The following HDAC2 variants were observed in gnomAD, a reference collection of about 807,000 sequenced individuals.
The protein encoded by HDAC2 is YY1-associated factor 1.
A neutral mutation model predicts 68.5 loss-of-function variants in HDAC2; 5 were observed. That is an observed-to-expected ratio of 0.07 (90% CI 0.04 to 0.15). HDAC2 has a LOEUF of 0.15. HDAC2 is among the 10% of genes least tolerant of loss of function. The pLI is 1.00. For missense variants in HDAC2, 291 were observed against 600.8 expected (o/e 0.48, Z 5.39); for synonymous variants, 182 against 191.3 (o/e 0.95, Z 0.40).
chr6:113,950,082 C>G (rs931199183), intron 6 of HDAC2, among the ~76,000 whole-genome samples: 1 of 152,080 alleles, frequency 6.6e-6, no homozygotes, highest in East Asian at 1.9e-4. Flanking sequence ...TGCCCAGCCT[C>G]AGATTTGTTC....
Position 113,942,025 on chromosome 6 carries a change from T to C in HDAC2, c.1379-260A>G, listed in dbSNP as rs150411774. ...TGACCTATAGATTTAAAAAAAGCTT[T>C]CTGTGGTAGTATTTCATTTTTCAGT... On this transcript the variant is annotated intron_variant, in intron 12 of 13. Transcript: ENST00000519065. 5.6e-3 allele frequency among the ~76,000 whole-genome samples: 851 copies of C among 152,076 alleles called. 9 individuals carry two copies. Among genetic ancestry groups the C allele is most frequent in the African/African-American group, 0.02 (815 of 41,520 alleles).
intron 1 of HDAC2, chr6:113,970,210 C>G (rs775780725): frequency 8.5e-5 from 13 of 152,896 alleles, no homozygotes; most frequent in Non-Finnish European, 1.5e-4. Flanking sequence ...TAAAGCCACA[C>G]GCGACCTGAG....
intron 1 of HDAC2, 139 bp downstream of exon 1, chr6:113,970,718 C>A (rs1280207730): frequency 2.1e-6 from 3 of 1,396,418 alleles, no homozygotes; most frequent in Non-Finnish European, 2.8e-6. Context: ...TGTGCCGGGC[C>A]GGGAACGGGT....
At chr6:113,960,497 G>A (rs2114613551) in intron 1 of HDAC2, among the ~76,000 whole-genome samples, 1 of 152,134 alleles carries the variant, frequency 6.6e-6, no homozygotes, top group South Asian at 2.1e-4. Flanking sequence ...AAGCCCATCA[G>A]GGAAGTTTTG....
intron 9 of HDAC2, 134 bp from the exon 10 acceptor site, chr6:113,945,604 C>T: frequency 3.0e-6 from 2 of 664,490 alleles, no homozygotes; most frequent in Non-Finnish European, 2.7e-6. Context: ...TGAATGTTCT[C>T]CTATTTATAA....
chr6:113,966,795 A>G (rs1213295879), intron 1 of HDAC2, among the ~76,000 whole-genome samples: 3 of 152,186 alleles, frequency 2.0e-5, no homozygotes, highest in Non-Finnish European at 4.4e-5. Flanking sequence ...TGATGAGGTA[A>G]AATTTGAAAG....
intron 3 of HDAC2, 24 bp from the exon 4 acceptor site, chr6:113,956,717 T>C: frequency 6.6e-7 from 1 of 1,512,976 alleles, no homozygotes; most frequent in South Asian, 1.1e-5. Context: ...ATTTCATTAA[T>C]TTCAACACAT....
chr6:113,945,312 A>C (rs374991538), intron 10 of HDAC2, 50 bp downstream of exon 10: 18 of 905,916 alleles, frequency 2.0e-5, no homozygotes, highest in Non-Finnish European at 3.1e-5. Flanking sequence ...AAGCATACTA[A>C]ATCTTTGTCA....
intron 1 of HDAC2, 35 bp from the exon 2 acceptor site, chr6:113,960,053 A>G: frequency 2.0e-6 from 2 of 980,748 alleles, no homozygotes; most frequent in Non-Finnish European, 3.3e-6. Context: ...AACAATACAG[A>G]CAAGAGACCC....
chr6:113,969,096 A>C (rs1776908879), intron 1 of HDAC2, among the ~76,000 whole-genome samples: 1 of 152,226 alleles, frequency 6.6e-6, no homozygotes, highest in Non-Finnish European at 1.5e-5. Context: ...TTCCTTTCCA[A>C]TTTGATCAGG....
intron 1 of HDAC2, among the ~76,000 whole-genome samples, chr6:113,967,483 G>A (rs1171582001): frequency 6.6e-6 from 1 of 152,046 alleles, no homozygotes; most frequent in African/African-American, 2.4e-5. Flanking sequence ...GTCTTTGAGT[G>A]TTTTTTTCTG....
intron 1 of HDAC2, among the ~76,000 whole-genome samples, chr6:113,969,283 C>A (rs1437162475): frequency 6.6e-6 from 1 of 152,170 alleles, no homozygotes; most frequent in African/African-American, 2.4e-5. Flanking sequence ...TCCTAGCTAT[C>A]GCAGATCAAT....
intron 6 of HDAC2, among the ~76,000 whole-genome samples, chr6:113,949,767 C>G (rs76308981): frequency 2.6e-5 from 4 of 152,130 alleles, no homozygotes; most frequent in Admixed American, 2.6e-4. Flanking sequence ...CAGCTACCGA[C>G]TAAAGCACCA....
intron 11 of HDAC2, among the ~76,000 whole-genome samples, chr6:113,943,781 G>A (rs544671308): frequency 1.8e-4 from 27 of 152,126 alleles, no homozygotes; most frequent in African/African-American, 6.3e-4. Flanking sequence ...AAAAAAGTGT[G>A]TTTTTCTAAT....
At chr6:113,954,707 T>C (rs1265000699) in intron 5 of HDAC2, among the ~76,000 whole-genome samples, 2 of 152,232 alleles carry the variant, frequency 1.3e-5, no homozygotes, top group Non-Finnish European at 2.9e-5. Context: ...CACTGTTTAT[T>C]TGAGGAGTCA....
rs1418963253 is a variant in HDAC2 at position 113,940,305 on chromosome 6, G to T, written c.*753C>A. ...GCAGTAAAAGAAACAGGTTTTGTCT[G>T]CAGGTTCCATTTTAAACCAGCAATA... On this transcript the variant is annotated 3_prime_UTR_variant, in exon 14 of 14. Coordinates refer to ENST00000519065, the MANE Select transcript of HDAC2 (RefSeq NM_001527.4). 6.6e-6 allele frequency: 1 copy of T among 152,176 alleles called. No homozygotes were observed. The highest frequency in any genetic ancestry group is 2.4e-5 in the African/African-American group (1 of 41,440). 9.4% of individuals were successfully genotyped at this position (152,176 alleles called of 1,614,324 possible).
At chr6:113,962,113 C>T (rs1238387245) in intron 1 of HDAC2, among the ~76,000 whole-genome samples, 1 of 151,344 alleles carries the variant, frequency 6.6e-6, no homozygotes, top group Non-Finnish European at 1.5e-5. Flanking sequence ...GTAATTAACA[C>T]TTGTTGAGTG....
chr6:113,946,189 T>G, intron 8 of HDAC2, 41 bp from the exon 9 acceptor site: 1 of 1,530,704 alleles, frequency 6.5e-7, no homozygotes, highest in Non-Finnish European at 8.9e-7. Flanking sequence ...ATCTGCATAC[T>G]GCAACAGTTC....
rs568737348 is a variant in HDAC2 at position 113,937,320 on chromosome 6, T to C, written c.*3738A>G. On this transcript the variant is annotated 3_prime_UTR_variant, in exon 14 of 14. Transcript: ENST00000519065. ...AGAAGATGTAGGTGACTAACTTCAA[T>C]GTAAGAACTTCAAATAATTGCCCAT... The C allele has an allele frequency of 1.3e-5, 2 of 152,316 alleles. No homozygotes were observed. Among genetic ancestry groups the C allele is most frequent in the African/African-American group, 2.4e-5 (1 of 41,580 alleles). The allele number at this position is 152,316 out of a possible 1,614,324, so 9.4% of individuals were successfully genotyped here. A position where few individuals can be genotyped will look rare whatever the true frequency, so the allele number is the denominator to read the frequency against.
Sources: allele counts gnomAD v4.1 joint callset (sites outside exome capture counted in the v4.1 genomes callset), GRCh38; gene constraint gnomAD v4.1.1; transcripts MANE v1.5; gene names NCBI Gene and HGNC (gene_info 2026-07-23, HGNC 2026-07-21).